IRAK2: variants seen among roughly 807,000 people sequenced by gnomAD.
IRAK2 encodes interleukin-1 receptor-associated kinase-like 2.
A neutral mutation model predicts 72.0 loss-of-function variants in IRAK2; 57 were observed. The ratio of observed to expected loss-of-function variants is 0.79; its 90% CI spans 0.64 to 0.99. The LOEUF (loss-of-function observed/expected upper bound fraction) is 0.99. Ranked by LOEUF, IRAK2 falls within the 50% of genes least tolerant of loss-of-function variation. The pLI is 0.00. For missense variants in IRAK2, 790 were observed against 794.4 expected (o/e 0.99, Z 0.07); for synonymous variants, 293 against 312.7 (o/e 0.94, Z 0.67).
intron 2 of IRAK2, among the ~76,000 whole-genome samples, chr3:10,192,277 G>A (rs1044407124): frequency 4.6e-5 from 7 of 152,158 alleles, no homozygotes; most frequent in Non-Finnish European, 4.4e-5. Context: ...GTAGTTTGAC[G>A]GGCGTGAAGG....
In IRAK2 at chr3:10,213,365, G is replaced by A; in HGVS notation, c.687G>A (p.Arg229=). Residue 229 remains arginine, a synonymous_variant, in exon 5 of 13, where the codon AGG becomes AGA. Coordinates refer to ENST00000256458, the MANE Select transcript of IRAK2 (RefSeq NM_001570.4). ...TTGCTGACGTCTACAGAGGGCACAG[G>A]CACGGGAAGCCATTCGTCTTCAAGA... ...GTFADVYRGH[R]HGKPFVFKKL... 6.2e-7 allele frequency: 1 copy of A among 1,614,140 alleles called. No homozygotes were observed. The highest frequency in any genetic ancestry group is 8.5e-7 in the Non-Finnish European group (1 of 1,180,032).
At chr3:10,241,147 T>C (rs1025616961) in intron 12 of IRAK2, among the ~76,000 whole-genome samples, 1 of 151,644 alleles carries the variant, frequency 6.6e-6, no homozygotes, top group Admixed American at 6.6e-5. Flanking sequence ...CAGTGGCTCA[T>C]ACCTGTAATC....
chr3:10,192,733 A>G (rs753595017), intron 2 of IRAK2, among the ~76,000 whole-genome samples: 1 of 152,186 alleles, frequency 6.6e-6, no homozygotes, highest in Non-Finnish European at 1.5e-5. Context: ...AGCCTGGCCA[A>G]TATGGCAAAA....
rs1697340889 is a variant in IRAK2, at chr3:10,200,480, G to A, written c.389G>A (p.Gly130Glu). The change falls in exon 3 of 13, where the codon GGG becomes GAG. Residue 130 changes from glycine (G) to glutamate (E), a missense_variant. Coordinates refer to ENST00000256458, the MANE Select transcript of IRAK2 (RefSeq NM_001570.4). ...AAGGCTGAGGATGAACAGGAAGAGG[G>A]GCAGCCTGTGAGGATGGCCACCTTT... ...VRKAEDEQEE[G>E]QPVRMATFPG... 2 of 1,595,546 alleles carry A rather than the reference G, an allele frequency of 1.3e-6. No individual in the cohort carries two copies. The highest frequency in any genetic ancestry group is 2.2e-5 in the South Asian group (2 of 89,380).
intron 2 of IRAK2, 134 bp downstream of exon 2, chr3:10,178,154 T>A: frequency 1.3e-6 from 1 of 751,800 alleles, no homozygotes; most frequent in South Asian, 1.9e-5. Flanking sequence ...GAGTTTACCA[T>A]GCACATAAGA....
intron 12 of IRAK2, among the ~76,000 whole-genome samples, chr3:10,240,599 G>T (rs1483358324): frequency 2.8e-5 from 3 of 106,212 alleles, no homozygotes; most frequent in African/African-American, 7.7e-5. Context: ...CACTCTTGTT[G>T]CCCAGGCTGG....
chr3:10,233,583 A>C (rs894768794), intron 10 of IRAK2, among the ~76,000 whole-genome samples: 4 of 152,164 alleles, frequency 2.6e-5, no homozygotes, highest in African/African-American at 9.7e-5. Context: ...AGAAGTATAG[A>C]CATAATATTT....
chr3:10,208,798 G>A (rs924358034), intron 3 of IRAK2, among the ~76,000 whole-genome samples: 1 of 151,772 alleles, frequency 6.6e-6, no homozygotes, highest in Non-Finnish European at 1.5e-5. Context: ...TTGTAGAAAC[G>A]GGATCTTGTC....
Position 10,178,296 on chromosome 3 carries a change from A to G in IRAK2, c.277+276A>G, listed in dbSNP as rs368160409. The stretch of plus-strand genomic sequence containing the variant: ...AACATGGTGAAAACCCGTCTCTACT[A>G]AAAATACAAAATTAGCTGGGCTTGG... On this transcript the variant is annotated intron_variant, in intron 2 of 12. Coordinates refer to ENST00000256458, the MANE Select transcript of IRAK2 (RefSeq NM_001570.4). 7.2e-5 allele frequency among the ~76,000 whole-genome samples: 11 copies of G among 152,126 alleles called. No individual in the cohort carries two copies. In the South Asian group the frequency reaches 1.0e-3, roughly 14 times the overall value.
chr3:10,178,811 CTT>C (rs567815476), intron 2 of IRAK2, among the ~76,000 whole-genome samples: 2,820 of 151,672 alleles, frequency 0.019, 90 homozygotes, highest in African/African-American at 0.066. Context: ...TTTTTAAAAA[CTT>C]TTTTTTTGAG....
intron 2 of IRAK2, among the ~76,000 whole-genome samples, chr3:10,182,481 A>G (rs2125144453): frequency 6.6e-6 from 1 of 150,422 alleles, no homozygotes; most frequent in African/African-American, 2.4e-5. Context: ...ACGGGGTTTC[A>G]CCTGTTAGCC....
chr3:10,225,781 A>C (rs554947368), intron 9 of IRAK2, among the ~76,000 whole-genome samples: 4 of 150,808 alleles, frequency 2.7e-5, no homozygotes, highest in Non-Finnish European at 1.5e-5. Flanking sequence ...TCACTGCAAG[A>C]TCCACCTCCC....
chr3:10,214,039 G>A (rs1017102848), intron 6 of IRAK2, among the ~76,000 whole-genome samples: 4 of 151,298 alleles, frequency 2.6e-5, no homozygotes, highest in Non-Finnish European at 1.5e-5. Flanking sequence ...GGTGATTCTC[G>A]TGCCTTAGCC....
chr3:10,193,938 G>GTTTAAAGTGT (rs1697223102), intron 2 of IRAK2, among the ~76,000 whole-genome samples: 1 of 152,274 alleles, frequency 6.6e-6, no homozygotes, highest in Non-Finnish European at 1.5e-5. Context: ...CCATTAGAGT[G>GTTTAAAGTGT]TTTAAAATGT....
Position 10,223,177 on chromosome 3 carries a change from A to G in IRAK2, c.1209+346A>G, listed in dbSNP as rs11465915. 1.8e-3 allele frequency among the ~76,000 whole-genome samples: 277 copies of G among 152,286 alleles called. 1 individual carries two copies. Among genetic ancestry groups the G allele is most frequent in the African/African-American group, 5.9e-3 (245 of 41,558 alleles). On this transcript the variant is annotated intron_variant, in intron 9 of 12. Transcript: ENST00000256458. ...AACCACTCATGAGTGTCCAGGTTCTAGTAGGCTCCAGATATCCTCTCCTGA... is the reference window on the plus strand; with the variant it reads ...AACCACTCATGAGTGTCCAGGTTCTGGTAGGCTCCAGATATCCTCTCCTGA...
intron 11 of IRAK2, among the ~76,000 whole-genome samples, chr3:10,237,529 C>T (rs949341062): frequency 1.4e-4 from 21 of 151,916 alleles, no homozygotes; most frequent in Non-Finnish European, 2.2e-4. Context: ...CATTAGTGGC[C>T]GGGTGCGGTG....
Position 10,234,586 on chromosome 3 carries a change from C to T in IRAK2, c.1400C>T (p.Pro467Leu), listed in dbSNP as rs1418531488. 2 of 1,613,536 alleles carry T rather than the reference C, an allele frequency of 1.2e-6. No individual in the cohort carries two copies. Among genetic ancestry groups the T allele is most frequent in the East Asian group, 2.2e-5 (1 of 44,882 alleles). The stretch of plus-strand genomic sequence containing the variant: ...CTGGAGAAGGGCGCAGGGAGGCTTC[C>T]GGAGGACTGCGCCGAGGCCCTGGCC... ...KYLEKGAGRL[P>L]EDCAEALATA... Residue 467 changes from proline to leucine, a missense_variant, in exon 11 of 13, where the codon CCG becomes CTG. Pro to Leu is a moderately conservative substitution (Grantham distance 98, BLOSUM62 -3). Transcript: ENST00000256458.
intron 2 of IRAK2, among the ~76,000 whole-genome samples, chr3:10,188,905 C>A (rs868221797): frequency 6.6e-6 from 1 of 152,224 alleles, no homozygotes; most frequent in South Asian, 2.1e-4. Context: ...CAGTGATCCA[C>A]CCGCCTTGGC....
At chr3:10,165,092 C>A (rs1315845260) in intron 1 of IRAK2, 44 bp downstream of exon 1, 3 of 1,530,208 alleles carry the variant, frequency 2.0e-6, no homozygotes, top group Admixed American at 1.8e-5. Context: ...GCGACCGGAG[C>A]CCCCAGCGAT....
Sources: allele counts gnomAD v4.1 joint callset (sites outside exome capture counted in the v4.1 genomes callset), GRCh38; gene constraint gnomAD v4.1.1; transcripts MANE v1.5; gene names NCBI Gene and HGNC (gene_info 2026-07-23, HGNC 2026-07-21).